Variants in CDH18 observed in about 807,000 individuals in gnomAD.
CDH18 encodes cadherin 18.
Under a neutral mutation model 67.9 loss-of-function variants are expected in CDH18, and 31 were observed. The ratio of observed to expected loss-of-function variants is 0.46; its 90% CI spans 0.34 to 0.62. The LOEUF (loss-of-function observed/expected upper bound fraction) is 0.62. CDH18 is among the 20% of genes least tolerant of loss of function. The pLI is 0.01. For missense variants in CDH18, 890 were observed against 975.5 expected (o/e 0.91, Z 1.17); for synonymous variants, 362 against 347.2 (o/e 1.04, Z -0.48).
intron 2 of CDH18, among the ~76,000 whole-genome samples, chr5:19,905,906 G>A (rs1487699602): frequency 6.6e-6 from 1 of 151,988 alleles, no homozygotes; most frequent in African/African-American, 2.4e-5. Flanking sequence ...TCTGAATTGA[G>A]AACAACTCTA....
In CDH18 at chr5:20,501,556, A is replaced by ATAAT. The variant is rs1491463446; in HGVS notation, c.-580+73905_-580+73906insATTA. Among the ~76,000 whole-genome samples, 61 of 58,438 alleles carry ATAAT rather than the reference A, an allele frequency of 1.0e-3. 4 individuals carry two copies. The highest frequency in any genetic ancestry group is 4.9e-3 in the African/African-American group (50 of 10,140). 38.3% of individuals were successfully genotyped at this position (58,438 alleles called of 152,430 possible). A position where few individuals can be genotyped will look rare whatever the true frequency, so the allele number is the denominator to read the frequency against. On this transcript the variant is annotated intron_variant, in intron 1 of 14. Transcript: ENST00000507958. ...TATATTATATACATATTATATATATAATATATATATATAATATATATATAT... is the reference window on the plus strand; with the variant it reads ...TATATTATATACATATTATATATATATAATATATATATATATAATATATATATAT...
intron 2 of CDH18, among the ~76,000 whole-genome samples, chr5:20,226,979 G>A (rs1741683866): frequency 6.6e-6 from 1 of 151,984 alleles, no homozygotes. Context: ...CATTGTGAAT[G>A]TGCTTTTACT....
chr5:19,688,579 T>C (rs2121487), intron 5 of CDH18, among the ~76,000 whole-genome samples: 5,510 of 152,074 alleles, frequency 0.036, 313 homozygotes, highest in African/African-American at 0.12. Flanking sequence ...ATGGAAGAAG[T>C]GACTGTTACA....
chr5:19,524,324 T>C (rs1747394317), intron 9 of CDH18, among the ~76,000 whole-genome samples: 3 of 149,518 alleles, frequency 2.0e-5, no homozygotes, highest in Non-Finnish European at 4.4e-5. Flanking sequence ...ATATATTATA[T>C]TGATAAATGA....
At chr5:20,443,396 CAAT>C (rs568769849) in intron 1 of CDH18, among the ~76,000 whole-genome samples, 229 of 151,712 alleles carry the variant, frequency 1.5e-3, no homozygotes, top group Middle Eastern at 3.4e-3. Flanking sequence ...TTTACAATAT[CAAT>C]GATGAATATT....
chr5:19,822,979 ATTCTCTTTCTCAGGGATG>A (rs1780034505), intron 3 of CDH18, among the ~76,000 whole-genome samples: 1 of 152,148 alleles, frequency 6.6e-6, no homozygotes, highest in Non-Finnish European at 1.5e-5. Flanking sequence ...TCAGGGACGC[ATTCTCTTTCTCAGGGATG>A]TTCCTTGCTG....
intron 1 of CDH18, among the ~76,000 whole-genome samples, chr5:20,524,283 TTTCTTAGA>T (rs1158487888): frequency 6.6e-6 from 1 of 152,188 alleles, no homozygotes; most frequent in African/African-American, 2.4e-5. Flanking sequence ...TATAATTAGT[TTTCTTAGA>T]TTCAGATATA....
chr5:20,439,048 CT>C (rs1431444475), intron 1 of CDH18, among the ~76,000 whole-genome samples: 2 of 151,480 alleles, frequency 1.3e-5, no homozygotes, highest in Admixed American at 1.3e-4. Context: ...CATTTTTTAA[CT>C]TGTTTGTCCA....
In CDH18 at chr5:20,166,390, A is replaced by G. The variant is rs569333414; in HGVS notation, c.-518+89054T>C. ...TGGGGATGGAGGTTGTAGTGAGCCAAGATAGCCCCTTTGCACTCCAGCCTG... is the reference window on the plus strand; with the variant it reads ...TGGGGATGGAGGTTGTAGTGAGCCAGGATAGCCCCTTTGCACTCCAGCCTG... On this transcript the variant is annotated intron_variant, in intron 2 of 14. Coordinates refer to the CDH18 transcript ENST00000507958. Among the ~76,000 whole-genome samples, 4 of 148,800 alleles carry G rather than the reference A, an allele frequency of 2.7e-5. No individual in the cohort carries two copies. The East Asian group carries it at 8.1e-4, about 30-fold the overall frequency.
intron 1 of CDH18, among the ~76,000 whole-genome samples, chr5:20,382,776 A>G (rs192969504): frequency 2.7e-4 from 41 of 152,290 alleles, no homozygotes; most frequent in Non-Finnish European, 2.9e-5. Context: ...TATAAATCCA[A>G]CACCAGTTAT....
At position 20,408,368 on chromosome 5, in the gene CDH18, G is replaced by C. The variant is rs373318112; in HGVS notation, c.-579-152863C>G. 5.3e-5 allele frequency among the ~76,000 whole-genome samples: 8 copies of C among 151,996 alleles called. 1 individual carries two copies. In the East Asian group the frequency reaches 1.5e-3, roughly 29 times the overall value. ...AAAATATAGACAAATACAGAATAAT[G>C]CATTTTTTTAATCTTGGGGGTAAAT... On this transcript the variant is annotated intron_variant, in intron 1 of 14. Transcript: ENST00000507958.
Position 19,662,659 on chromosome 5 carries a change from T to C in CDH18, c.644-50058A>G, listed in dbSNP as rs116514152. Among the ~76,000 whole-genome samples the C allele has an allele frequency of 3.8e-3, 581 of 152,174 alleles. 2 individuals carry two copies. Among genetic ancestry groups the C allele is most frequent in the African/African-American group, 0.014 (563 of 41,556 alleles). On this transcript the variant is annotated intron_variant, in intron 5 of 12. Transcript: ENST00000382275. The stretch of plus-strand genomic sequence containing the variant: ...AATCTGATGAGCCACAAACCACATA[T>C]GTGCAGCACTACATCTGGCCTATTT...
At chr5:20,523,882 T>C (rs1200729875) in intron 1 of CDH18, among the ~76,000 whole-genome samples, 1 of 152,128 alleles carries the variant, frequency 6.6e-6, no homozygotes, top group African/African-American at 2.4e-5. Flanking sequence ...TTCAAAAAAG[T>C]GCATTTGCAT....
chr5:20,013,168 C>T lies in CDH18; in HGVS notation c.-517-21154G>A, dbSNP rs553854414. 1.8e-4 allele frequency among the ~76,000 whole-genome samples: 28 copies of T among 152,154 alleles called. No individual in the cohort carries two copies. In the South Asian group the frequency reaches 5.6e-3, roughly 30 times the overall value. ...ACTATGTCAGTGATTCTTAAATATA[C>T]ACCCGATGTTTGCTGATCACCTCAT... On this transcript the variant is annotated intron_variant, in intron 2 of 14. Transcript: ENST00000507958.
intron 1 of CDH18, among the ~76,000 whole-genome samples, chr5:20,461,755 G>A (rs1436211965): frequency 1.3e-5 from 2 of 152,080 alleles, no homozygotes; most frequent in African/African-American, 4.8e-5. Context: ...AGTCATCTAA[G>A]TTAATCTTGA....
chr5:20,272,492 G>T (rs1745509251), intron 1 of CDH18, among the ~76,000 whole-genome samples: 1 of 151,942 alleles, frequency 6.6e-6, no homozygotes. Context: ...TATGCTTCAA[G>T]AAAATAATTA....
At chr5:20,513,362 A>G (rs1260979975) in intron 1 of CDH18, among the ~76,000 whole-genome samples, 1 of 152,140 alleles carries the variant, frequency 6.6e-6, no homozygotes, top group Admixed American at 6.5e-5. Flanking sequence ...TGTCATTACA[A>G]GGAAATTTTT....
At chr5:20,119,981 C>G (rs1384052249) in intron 2 of CDH18, among the ~76,000 whole-genome samples, 1 of 151,876 alleles carries the variant, frequency 6.6e-6, no homozygotes, top group Non-Finnish European at 1.5e-5. Context: ...CACAATGAAG[C>G]TTCATCAGTC....
At chr5:19,691,369 T>C (rs1324340250) in intron 5 of CDH18, among the ~76,000 whole-genome samples, 1 of 151,826 alleles carries the variant, frequency 6.6e-6, no homozygotes, top group African/African-American at 2.4e-5. Context: ...CTATTCAACA[T>C]AGTACTAAAT....
Sources: allele counts gnomAD v4.1 joint callset (sites outside exome capture counted in the v4.1 genomes callset), GRCh38; gene constraint gnomAD v4.1.1; transcripts MANE v1.5; gene names NCBI Gene and HGNC (gene_info 2026-07-23, HGNC 2026-07-21).